UPP2: variants seen among roughly 807,000 people sequenced by gnomAD.
UPP2 encodes the protein UPase 2.
Under a neutral mutation model 26.7 loss-of-function variants are expected in UPP2, and 23 were observed. The observed-to-expected ratio is 0.86, with a 90% CI of 0.62 to 1.22. The LOEUF (loss-of-function observed/expected upper bound fraction) is 1.22, where lower values mean the gene tolerates loss of function less well. Ranked by LOEUF, UPP2 falls within the 50% of genes most tolerant of loss-of-function variation. UPP2 has a pLI of 0.00. For missense variants in UPP2, 387 were observed against 396.7 expected (o/e 0.98, Z 0.21); for synonymous variants, 127 against 141.3 (o/e 0.90, Z 0.72).
intron 2 of UPP2, among the ~76,000 whole-genome samples, chr2:158,011,008 A>C (rs920018646): frequency 2.0e-5 from 3 of 151,702 alleles, no homozygotes; most frequent in Non-Finnish European, 2.9e-5. Flanking sequence ...CAAATGATCC[A>C]CCCACCTCGA....
At chr2:158,000,812 C>G (rs1192533708) in intron 2 of UPP2, among the ~76,000 whole-genome samples, 2 of 152,310 alleles carry the variant, frequency 1.3e-5, no homozygotes, top group East Asian at 3.9e-4. Context: ...AGTTTTATTA[C>G]TAGAAGATGC....
chr2:158,091,929 A>C (rs1266263789), intron 3 of UPP2, among the ~76,000 whole-genome samples: 1 of 152,232 alleles, frequency 6.6e-6, no homozygotes, highest in East Asian at 1.9e-4. Context: ...GTGAGAAGGC[A>C]TTGCATAGTT....
At chr2:158,047,230 T>C (rs1360740511) in intron 3 of UPP2, among the ~76,000 whole-genome samples, 1 of 152,340 alleles carries the variant, frequency 6.6e-6, no homozygotes, top group Non-Finnish European at 1.5e-5. Flanking sequence ...GAACTCCACA[T>C]GTTCACACAG....
At chr2:158,092,514 G>C (rs1419750879) in intron 3 of UPP2, among the ~76,000 whole-genome samples, 2 of 152,126 alleles carry the variant, frequency 1.3e-5, no homozygotes, top group Non-Finnish European at 2.9e-5. Flanking sequence ...TCAAAAATGA[G>C]GATAAAACAA....
chr2:158,078,775 A>C (rs532546381), intron 3 of UPP2, among the ~76,000 whole-genome samples: 1 of 152,280 alleles, frequency 6.6e-6, no homozygotes, highest in African/African-American at 2.4e-5. Context: ...AATAATGAAA[A>C]GAGTAGAATT....
At chr2:158,097,281 C>A (rs1455445846), upstream of UPP2, among the ~76,000 whole-genome samples, 1 of 152,010 alleles carries the variant, frequency 6.6e-6, no homozygotes, top group Non-Finnish European at 1.5e-5. Context: ...CTTACTCAAA[C>A]CCCTACAAAA....
intron 3 of UPP2, among the ~76,000 whole-genome samples, chr2:158,055,639 G>A (rs895020115): frequency 5.3e-5 from 8 of 152,136 alleles, no homozygotes; most frequent in South Asian, 2.1e-4. Flanking sequence ...TGATATTTAA[G>A]TTAAAAATGG....
chr2:158,059,405 T>A (rs1682314433), intron 3 of UPP2, among the ~76,000 whole-genome samples: 1 of 152,240 alleles, frequency 6.6e-6, no homozygotes, highest in Non-Finnish European at 1.5e-5. Flanking sequence ...TGGTTGCACA[T>A]CCATTCTGTC....
At chr2:158,113,752 AC>A (rs1003704002) in intron 2 of UPP2, among the ~76,000 whole-genome samples, 5 of 152,122 alleles carry the variant, frequency 3.3e-5, no homozygotes, top group Non-Finnish European at 1.5e-5. Flanking sequence ...CCTGTGATGG[AC>A]CTTGTCAGCC....
chr2:158,111,245 T>G (rs1352933135), intron 2 of UPP2, among the ~76,000 whole-genome samples: 1 of 152,332 alleles, frequency 6.6e-6, no homozygotes, highest in South Asian at 2.1e-4. Flanking sequence ...ACTTTATTTC[T>G]GACAGTTTTT....
At chr2:158,028,329 A>G (rs1448892315) in intron 3 of UPP2, among the ~76,000 whole-genome samples, 2 of 152,134 alleles carry the variant, frequency 1.3e-5, no homozygotes, top group African/African-American at 4.8e-5. Context: ...CTCAAGTTCA[A>G]AGTTCCACAA....
intron 2 of UPP2, among the ~76,000 whole-genome samples, chr2:157,996,397 A>G (rs1162587748): frequency 6.6e-6 from 1 of 152,004 alleles, no homozygotes; most frequent in African/African-American, 2.4e-5. Context: ...ATTTCCCTAG[A>G]ACTTGTTTAC....
chr2:158,049,266 G>A (rs1336555671), intron 3 of UPP2, among the ~76,000 whole-genome samples: 1 of 152,152 alleles, frequency 6.6e-6, no homozygotes, highest in Non-Finnish European at 1.5e-5. Flanking sequence ...ATCTATCATG[G>A]TGGGCTCTGT....
chr2:158,100,006 G>A (rs899059721), upstream of UPP2, among the ~76,000 whole-genome samples: 4 of 152,142 alleles, frequency 2.6e-5, no homozygotes, highest in South Asian at 2.1e-4. Context: ...TTTTAAAAAC[G>A]AAACCTTTTC....
intron 4 of UPP2, among the ~76,000 whole-genome samples, chr2:158,118,785 A>C (rs59876031): frequency 0.052 from 7,962 of 152,076 alleles, 632 homozygotes; most frequent in African/African-American, 0.17. Flanking sequence ...TGGAGCAAAA[A>C]GGGATGTCAG....
chr2:158,026,540 G>T (rs1683835568), intron 3 of UPP2, among the ~76,000 whole-genome samples: 1 of 152,080 alleles, frequency 6.6e-6, no homozygotes, highest in African/African-American at 2.4e-5. Flanking sequence ...GGTAGATGGA[G>T]GAGATGCATA....
chr2:158,020,429 C>A (rs1683731345), intron 3 of UPP2, among the ~76,000 whole-genome samples: 1 of 152,192 alleles, frequency 6.6e-6, no homozygotes, highest in South Asian at 2.1e-4. Context: ...GCTCCATTTC[C>A]CCTCAAGTCC....
intron 4 of UPP2, among the ~76,000 whole-genome samples, chr2:158,120,644 A>G (rs1009230913): frequency 6.6e-6 from 1 of 152,000 alleles, no homozygotes; most frequent in Non-Finnish European, 1.5e-5. Context: ...TTAAATAGAA[A>G]CCAGACTGGG....
chr2:158,091,550 C>A (rs980807148), intron 3 of UPP2, among the ~76,000 whole-genome samples: 6 of 152,088 alleles, frequency 3.9e-5, no homozygotes, highest in African/African-American at 1.2e-4. Context: ...TATTTGTTAC[C>A]CTGTTGCCAC....
Sources: gnomAD v4.1 joint callset for allele counts (sites outside exome capture counted in the v4.1 genomes callset) on GRCh38, gnomAD v4.1.1 for gene constraint, MANE v1.5 for transcripts, NCBI Gene and HGNC (gene_info 2026-07-23, HGNC 2026-07-21) for gene names.